PRKCD: variants seen among roughly 807,000 people sequenced by gnomAD.
PRKCD encodes the protein protein kinase C delta, also known as protein kinase C delta type.
In PRKCD, 20 loss-of-function variants were observed where a neutral mutation model predicts 82.2. That is an observed-to-expected ratio of 0.24 (90% confidence interval 0.17 to 0.35). PRKCD has a LOEUF of 0.35. PRKCD is among the 10% of genes least tolerant of loss of function. The probability of loss-of-function intolerance (pLI) is 1.00; values close to 1 mark genes in which losing one functional copy is unlikely to be tolerated. For missense variants in PRKCD, 607 were observed against 899.0 expected, an observed-to-expected ratio of 0.68 and a Z score of 4.15; for synonymous variants, 317 against 337.0, an observed-to-expected ratio of 0.94 and a Z score of 0.65.
At chr3:53,162,476 T>C (rs1417553230) in intron 1 of PRKCD, among the ~76,000 whole-genome samples, 4 of 152,250 alleles carry the variant, frequency 2.6e-5, no homozygotes, top group African/African-American at 9.6e-5. Flanking sequence ...GCTGTCTCCT[T>C]GTGCTAAGTC....
intron 4 of PRKCD, among the ~76,000 whole-genome samples, chr3:53,180,036 C>G (rs1374782882): frequency 6.6e-6 from 1 of 152,218 alleles, no homozygotes; most frequent in Non-Finnish European, 1.5e-5. Context: ...CTAAATGTGC[C>G]TACCTCAGGG....
At chr3:53,191,980 G>C in intron 18 of PRKCD, 128 bp from the exon 19 acceptor site, 1 of 906,800 alleles carries the variant, frequency 1.1e-6, no homozygotes, top group Non-Finnish European at 1.7e-6. Context: ...GCTGCTAGGG[G>C]AGGCTCTGTC....
rs1553668823 is a variant in PRKCD, at chr3:53,185,655, C to G, written c.940C>G (p.Gln314Glu). The change falls in exon 11 of 19, where the codon CAG (glutamine) becomes GAG (glutamate). Residue 314 changes from glutamine (Q) to glutamate (E), a missense_variant. Physicochemically the swap from Gln to Glu is conservative, Grantham distance 29. This residue lies in a region of PRKCD where 85 missense variants were observed against 76.1 expected (regional missense o/e 1.12). Coordinates refer to ENST00000330452, the MANE Select transcript of PRKCD (RefSeq NM_006254.4). Reference protein sequence around the residue: ...SASSEPVGIYQGFEKKTGVAG... With the variant: ...SASSEPVGIYEGFEKKTGVAG... Reference sequence around the variant, plus strand: ...CTCCTCAGAGCCTGTTGGGATATATCAGGGTTTCGAGAAGAAGACCGGAGT... The same window carrying G: ...CTCCTCAGAGCCTGTTGGGATATATGAGGGTTTCGAGAAGAAGACCGGAGT... 5.6e-6 allele frequency: 9 copies of G among 1,613,096 alleles called. No homozygotes were observed. Among genetic ancestry groups the G allele is most frequent in the Non-Finnish European group, 7.6e-6 (9 of 1,180,038 alleles).
At chr3:53,177,158 G>C (rs1249475279) in intron 2 of PRKCD, among the ~76,000 whole-genome samples, 1 of 152,062 alleles carries the variant, frequency 6.6e-6, no homozygotes, top group African/African-American at 2.4e-5. Context: ...AAGAGATAGG[G>C]TCTCACTCTG....
At chr3:53,189,829 C>T in intron 17 of PRKCD, 44 bp from the exon 18 acceptor site, 3 of 1,612,040 alleles carry the variant, frequency 1.9e-6, no homozygotes, top group Non-Finnish European at 2.5e-6. Flanking sequence ...GCTCCAATTT[C>T]CCATGGCCCT....
At chr3:53,188,635 T>C (rs1421191337) in intron 15 of PRKCD, 85 bp from the exon 16 acceptor site, 3 of 1,556,380 alleles carry the variant, frequency 1.9e-6, no homozygotes, top group Non-Finnish European at 2.6e-6. Context: ...CCTGGACTAA[T>C]ACGGCTGAAA....
At position 53,178,467 on chromosome 3, in the gene PRKCD, C is replaced by A. The variant is rs782716784; in HGVS notation, c.45C>A (p.Gly15=). ...LRIAFNSYEL[G]SLQAEDEANQ... is the part of the protein sequence containing the mutation. Reference sequence around the variant, plus strand: ...TCGCCTTCAACTCCTATGAGCTGGGCTCCCTGCAGGCCGAGGACGAGGCGA... The same window carrying A: ...TCGCCTTCAACTCCTATGAGCTGGGATCCCTGCAGGCCGAGGACGAGGCGA... The change falls in exon 3 of 19, where the codon GGC becomes GGA. Residue 15 remains glycine, a synonymous_variant. Coordinates refer to ENST00000330452, the MANE Select transcript of PRKCD (RefSeq NM_006254.4). 3 of 1,613,012 alleles carry A rather than the reference C, an allele frequency of 1.9e-6. No individual in the cohort carries two copies. Among genetic ancestry groups the A allele is most frequent in the Non-Finnish European group, 2.5e-6 (3 of 1,179,934 alleles).
intron 9 of PRKCD, 105 bp downstream of exon 9, chr3:53,183,686 G>A: frequency 4.7e-6 from 7 of 1,476,234 alleles, no homozygotes; most frequent in Non-Finnish European, 6.4e-6. Context: ...CTGGAGACGG[G>A]CACCTCATTC....
intron 2 of PRKCD, among the ~76,000 whole-genome samples, chr3:53,172,857 C>CACCTATAGGT (rs1703084791): frequency 6.6e-6 from 1 of 152,234 alleles, no homozygotes; most frequent in Non-Finnish European, 1.5e-5. Flanking sequence ...CCAGCTTACT[C>CACCTATAGGT]CTCTGACCAA....
chr3:53,180,865 G>A (rs1421866538), intron 4 of PRKCD, among the ~76,000 whole-genome samples: 1 of 152,176 alleles, frequency 6.6e-6, no homozygotes, highest in African/African-American at 2.4e-5. Context: ...GTGCACACGG[G>A]TAGGGGCCTC....
At chr3:53,184,843 G>A (rs1553668618) in intron 9 of PRKCD, 31 bp from the exon 10 acceptor site, 1 of 1,605,088 alleles carries the variant, frequency 6.2e-7, no homozygotes, top group East Asian at 2.2e-5. Flanking sequence ...TGAGCTCTGA[G>A]ACTGACAGCC....
intron 17 of PRKCD, 42 bp downstream of exon 17, chr3:53,189,288 G>A: frequency 6.5e-7 from 1 of 1,536,046 alleles, no homozygotes; most frequent in South Asian, 1.2e-5. Flanking sequence ...GGGCTGGGCT[G>A]GGGCAGGGGC....
intron 2 of PRKCD, among the ~76,000 whole-genome samples, chr3:53,172,364 T>C (rs1703065106): frequency 6.6e-6 from 1 of 152,096 alleles, no homozygotes; most frequent in South Asian, 2.1e-4. Flanking sequence ...AGCTCCACCA[T>C]GCCCGGCCCC....
chr3:53,174,232 T>C (rs1703141540), intron 2 of PRKCD, among the ~76,000 whole-genome samples: 1 of 152,252 alleles, frequency 6.6e-6, no homozygotes, highest in Non-Finnish European at 1.5e-5. Flanking sequence ...CCAAGATTCA[T>C]ACCTAGACAC....
chr3:53,168,072 C>T (rs1702891195), intron 2 of PRKCD, among the ~76,000 whole-genome samples: 1 of 152,260 alleles, frequency 6.6e-6, no homozygotes, highest in Non-Finnish European at 1.5e-5. Flanking sequence ...CTCCCCTTGG[C>T]CCTCTCCAGC....
Position 53,183,584 on chromosome 3 carries a change from GC to G in PRKCD, c.787+4del. 1 of 1,613,918 alleles carries G rather than the reference GC, an allele frequency of 6.2e-7. No individual in the cohort carries two copies. Among genetic ancestry groups the G allele is most frequent in the Middle Eastern group, 1.7e-4 (1 of 6,060 alleles). ...GAAGCAGGGATTAAAGTGTGAAGGT[GC>G]GTGCCACCCCGCCCCTGGGCTGCAG... On this transcript the variant is annotated splice_donor_region_variant and intron_variant, in intron 9 of 18. Transcript: ENST00000330452.
At chr3:53,180,657 G>A (rs1247833646) in intron 4 of PRKCD, among the ~76,000 whole-genome samples, 2 of 152,208 alleles carry the variant, frequency 1.3e-5, no homozygotes, top group African/African-American at 2.4e-5. Context: ...ACACAGAGGG[G>A]CCTCTGGCTG....
rs782557014 is a variant in PRKCD, at chr3:53,192,238, C to A, written c.2003C>A (p.Pro668His). 22 of 1,614,010 alleles carry A rather than the reference C, an allele frequency of 1.4e-5. No homozygotes were observed. Among genetic ancestry groups the A allele is most frequent in the Admixed American group, 6.7e-5 (4 of 59,992 alleles). ...SAFAGFSFVN[P>H]KFEHLLED The stretch of plus-strand genomic sequence containing the variant: ...TTCGCTGGCTTCTCCTTTGTGAACC[C>A]CAAATTCGAGCACCTCCTGGAAGAT... The change falls in exon 19 of 19, where the codon CCC (proline) becomes CAC (histidine). Residue 668 changes from proline (P) to histidine (H), a missense_variant. Physicochemically the swap from Pro to His is moderately conservative, Grantham distance 77. Around this residue, in one of 5 missense-constraint regions of PRKCD, gnomAD observed 251 missense variants for 423.9 expected, o/e 0.59. Coordinates refer to ENST00000330452, the MANE Select transcript of PRKCD (RefSeq NM_006254.4).
At chr3:53,177,603 G>T (rs1201291094) in intron 2 of PRKCD, among the ~76,000 whole-genome samples, 2 of 152,200 alleles carry the variant, frequency 1.3e-5, no homozygotes, top group African/African-American at 4.8e-5. Flanking sequence ...GCTGCATGGG[G>T]CAGGATGGGA....
Sources: allele counts gnomAD v4.1 joint callset (sites outside exome capture counted in the v4.1 genomes callset), GRCh38; gene constraint gnomAD v4.1.1; regional missense constraint gnomAD v4.1.1; transcripts MANE v1.5; gene names NCBI Gene and HGNC (gene_info 2026-07-23, HGNC 2026-07-21).